The following UBR4 variants were observed in gnomAD, a reference collection of about 807,000 sequenced individuals.
The protein encoded by UBR4 is ubiquitin protein ligase E3 component n-recognin 4, also known as E3 ubiquitin-protein ligase UBR4.
A neutral mutation model predicts 575.6 loss-of-function variants in UBR4; 124 were observed. That is an observed-to-expected ratio of 0.22 (90% CI 0.19 to 0.25). The LOEUF is 0.25. Ranked by LOEUF, UBR4 falls within the 10% of genes least tolerant of loss-of-function variation. The pLI, the probability that UBR4 is intolerant of heterozygous loss-of-function variation, is 1.00. For missense variants in UBR4, 4,818 were observed against 6,478.8 expected (o/e 0.74, Z 8.80); for synonymous variants, 2,455 against 2,473.7 (o/e 0.99, Z 0.22).
At chr1:19,103,641 A>G (rs2078886826) in intron 87 of UBR4, among the ~76,000 whole-genome samples, 1 of 152,242 alleles carries the variant, frequency 6.6e-6, no homozygotes, top group East Asian at 1.9e-4. Context: ...ACATTTGCAC[A>G]CAGTGAAGAA....
chr1:19,165,408 C>T (rs1224415459), intron 30 of UBR4, 59 bp from the exon 31 acceptor site: 2 of 1,427,124 alleles, frequency 1.4e-6, no homozygotes, highest in Admixed American at 3.6e-5. Flanking sequence ...ACATAAAAAG[C>T]ATCCTTTCTT....
Position 19,152,281 on chromosome 1 carries a change from A to T in UBR4, c.6996+32T>A. ...CCATATTGTTTGAGTCCTTCTACCC[A>T]GGGATTGATCCCAGCCCAGTGCCAT... On this transcript the variant is annotated intron_variant, in intron 47 of 105. Coordinates refer to ENST00000375254, the MANE Select transcript of UBR4 (RefSeq NM_020765.3). The surrounding 1 kb of genome is among the most constrained non-coding windows in gnomAD (Gnocchi z 4.4). The T allele has an allele frequency of 6.2e-7, 1 of 1,612,020 alleles. No individual in the cohort carries two copies.
At chr1:19,194,838 A>G (rs1372894194) in intron 8 of UBR4, among the ~76,000 whole-genome samples, 1 of 151,982 alleles carries the variant, frequency 6.6e-6, no homozygotes, top group Admixed American at 6.6e-5. Context: ...TCATTCACTA[A>G]ATTTAAAATC....
At position 19,115,633 on chromosome 1, in the gene UBR4, C is replaced by T; in HGVS notation, c.10828G>A (p.Ala3610Thr). 1 of 1,614,114 alleles carries T rather than the reference C, an allele frequency of 6.2e-7. No individual in the cohort carries two copies. Among genetic ancestry groups the T allele is most frequent in the Non-Finnish European group, 8.5e-7 (1 of 1,179,996 alleles). Reference protein sequence around the residue: ...QAIVELKNKPARWHKAKKVQL... With the variant: ...QAIVELKNKPTRWHKAKKVQL... ...ACCTTCTTGGCTTTGTGCCAGCGAG[C>T]TGGCCTAGGAAAGACAGACAGCCTT... Residue 3610 changes from alanine (A) to threonine (T), a missense_variant, in exon 74 of 106, where the codon GCT becomes ACT. By Grantham distance (58) the Ala-to-Thr change is moderately conservative. Around this residue, in one of 29 missense-constraint regions of UBR4, gnomAD observed 550 missense variants for 791.5 expected, o/e 0.69. Coordinates refer to ENST00000375254, the MANE Select transcript of UBR4 (RefSeq NM_020765.3).
intron 17 of UBR4, 51 bp from the exon 18 acceptor site, chr1:19,179,271 G>T: frequency 2.7e-6 from 4 of 1,471,156 alleles, no homozygotes; most frequent in Non-Finnish European, 3.6e-6. Context: ...ACGGGATAAA[G>T]TCAAAAGGTT....
At chr1:19,108,992 G>A in intron 81 of UBR4, among the ~76,000 whole-genome samples, 1 of 152,214 alleles carries the variant, frequency 6.6e-6, no homozygotes, top group East Asian at 1.9e-4. Flanking sequence ...GATTTTAGTT[G>A]CTGGGAATCT....
At chr1:19,107,858 T>C (rs2079398082) in intron 81 of UBR4, among the ~76,000 whole-genome samples, 2 of 152,014 alleles carry the variant, frequency 1.3e-5, no homozygotes, top group Non-Finnish European at 2.9e-5. Context: ...GAAGAGTAAA[T>C]CTATTATTTG....
chr1:19,085,853 A>G (rs2076962762), intron 101 of UBR4, among the ~76,000 whole-genome samples: 1 of 152,188 alleles, frequency 6.6e-6, no homozygotes, highest in Admixed American at 6.5e-5. Context: ...ATCTTCTGTC[A>G]TAAGATCAGC....
chr1:19,165,089 GC>G, intron 31 of UBR4, 92 bp from the exon 32 acceptor site: 1 of 1,547,514 alleles, frequency 6.5e-7, no homozygotes, highest in Non-Finnish European at 8.8e-7. Flanking sequence ...AGGGGAAATG[GC>G]TTCAAAGCAA....
chr1:19,129,093 G>T lies in UBR4; in HGVS notation c.8907-19C>A, dbSNP rs1350807168. 5.0e-6 allele frequency: 8 copies of T among 1,608,328 alleles called. No individual in the cohort carries two copies. The highest frequency in any genetic ancestry group is 6.8e-6 in the Non-Finnish European group (8 of 1,175,032). On this transcript the variant is annotated intron_variant, in intron 60 of 105. Transcript: ENST00000375254. Reference sequence around the variant, plus strand: ...GTGCAGCCTAAAAGGGTGGGGAAAAGATAGAAAATATGAGCTGTACTCCAA... The same window carrying T: ...GTGCAGCCTAAAAGGGTGGGGAAAATATAGAAAATATGAGCTGTACTCCAA...
chr1:19,146,319 T>A, intron 52 of UBR4, among the ~76,000 whole-genome samples: 1 of 152,134 alleles, frequency 6.6e-6, no homozygotes, highest in Non-Finnish European at 1.5e-5. Flanking sequence ...TATGGGAGCA[T>A]GTAAATAACA....
At chr1:19,176,836 GGTGTT>G in intron 19 of UBR4, 109 bp from the exon 20 acceptor site, 12 of 1,244,690 alleles carry the variant, frequency 9.6e-6, no homozygotes, top group Non-Finnish European at 1.3e-5. Context: ...TCTGAATGTG[GGTGTT>G]CTACATTCAA....
intron 49 of UBR4, 142 bp from the exon 50 acceptor site, chr1:19,148,768 C>A (rs1372631570): frequency 5.7e-5 from 48 of 837,932 alleles, no homozygotes; most frequent in Non-Finnish European, 6.6e-5. Context: ...AGACCTGCCA[C>A]AGGCACCATG....
Position 19,112,653 on chromosome 1 carries a change from G to T in UBR4, c.11672C>A (p.Ala3891Asp), listed in dbSNP as rs2149326325. ...EHCITLLRAL[A>D]TNPALRHILV... is the part of the protein sequence containing the mutation. ...GATGTGCCTCAAGGCTGGGTTGGTG[G>T]CCAGGGCCCGAAGTAGTGTGATACA... is the stretch of plus-strand genomic sequence containing the variant. The change falls in exon 78 of 106, where the codon GCC (alanine) becomes GAC (aspartate). Residue 3891 changes from alanine (A) to aspartate (D), a missense_variant. This residue lies in a region of UBR4 where 333 missense variants were observed against 459.2 expected (regional missense o/e 0.73). Coordinates refer to ENST00000375254, the MANE Select transcript of UBR4 (RefSeq NM_020765.3). The T allele has an allele frequency of 1.2e-6, 2 of 1,614,270 alleles. No homozygotes were observed. The highest frequency in any genetic ancestry group is 2.2e-5 in the South Asian group (2 of 91,092).
intron 25 of UBR4, among the ~76,000 whole-genome samples, chr1:19,171,490 T>C (rs2089531244): frequency 6.6e-6 from 1 of 152,160 alleles, no homozygotes; most frequent in Admixed American, 6.5e-5. Flanking sequence ...AAGGCAGTCA[T>C]ACTAAGAGAC....
At chr1:19,131,266 A>AGT (rs1352425811) in intron 60 of UBR4, among the ~76,000 whole-genome samples, 1 of 148,630 alleles carries the variant, frequency 6.7e-6, no homozygotes, top group African/African-American at 2.5e-5. Flanking sequence ...AAAAAAAAAA[A>AGT]AAATAAACAC....
At chr1:19,165,581 A>G in intron 30 of UBR4, 75 bp downstream of exon 30, 25 of 1,464,944 alleles carry the variant, frequency 1.7e-5, no homozygotes, top group Non-Finnish European at 2.3e-5. Flanking sequence ...TAAGTACCTA[A>G]ATCAACATAT....
rs2080167834 is a variant in UBR4, at chr1:19,113,714, G to A, written c.11442C>T (p.Leu3814=). 6.2e-7 allele frequency: 1 copy of A among 1,614,180 alleles called. No individual in the cohort carries two copies. The highest frequency in any genetic ancestry group is 8.5e-7 in the Non-Finnish European group (1 of 1,180,030). ...CGCTCTCTACCTGGATGATTTTGGAGAGTTCATCAAAAGAGTTCTTGCAGT... is the reference window on the plus strand; with the variant it reads ...CGCTCTCTACCTGGATGATTTTGGAAAGTTCATCAAAAGAGTTCTTGCAGT... ...CGDCKNSFDE[L]SKIIQKVFAS... Residue 3814 remains leucine, a synonymous_variant, in exon 77 of 106, where the codon CTC becomes CTT. Transcript: ENST00000375254.
At position 19,155,564 on chromosome 1, in the gene UBR4, G is replaced by A. The variant is rs895167654; in HGVS notation, c.6177C>T (p.Asn2059=). ...VTFLFNEEGK[N]IIVIMSSAGY... is the part of the protein sequence containing the mutation. ...CAGCCGAAGACATTATAACAATGATGTTCTTTCCCTCCTCATTGAAAAGGA... is the reference window on the plus strand; with the variant it reads ...CAGCCGAAGACATTATAACAATGATATTCTTTCCCTCCTCATTGAAAAGGA... Residue 2059 remains asparagine (N), a synonymous_variant, in exon 43 of 106, where the codon AAC becomes AAT. Transcript: ENST00000375254. 1 of 1,614,126 alleles carries A rather than the reference G, an allele frequency of 6.2e-7. No individual in the cohort carries two copies. Among genetic ancestry groups the A allele is most frequent in the Non-Finnish European group, 8.5e-7 (1 of 1,180,016 alleles).
Sources: gnomAD v4.1 joint callset for allele counts (sites outside exome capture counted in the v4.1 genomes callset) on GRCh38, gnomAD v4.1.1 for gene constraint, gnomAD v4.1.1 regional missense constraint, Gnocchi (gnomAD v3.1) non-coding constraint, MANE v1.5 for transcripts, NCBI Gene and HGNC (gene_info 2026-07-23, HGNC 2026-07-21) for gene names.